PPFIBP2: variants seen among roughly 807,000 people sequenced by gnomAD.
The protein encoded by PPFIBP2 is liprin-beta-2.
Under a neutral mutation model 118.3 loss-of-function variants are expected in PPFIBP2, and 118 were observed. The observed-to-expected ratio is 1.00, with a 90% confidence interval of 0.86 to 1.16. PPFIBP2 has a LOEUF of 1.16. PPFIBP2 is among the 50% of genes most tolerant of loss of function. The pLI is 0.00. For missense variants in PPFIBP2, 1,195 were observed against 1,073.1 expected, an observed-to-expected ratio of 1.11 and a Z score of -1.59; for synonymous variants, 414 against 397.4, an observed-to-expected ratio of 1.04 and a Z score of -0.50.
intron 1 of PPFIBP2, among the ~76,000 whole-genome samples, chr11:7,531,726 A>G (rs1488949891): frequency 6.6e-6 from 1 of 152,186 alleles, no homozygotes; most frequent in African/African-American, 2.4e-5. Flanking sequence ...GGGCTTACAC[A>G]ACAGAAATTT....
intron 14 of PPFIBP2, among the ~76,000 whole-genome samples, chr11:7,637,200 A>G (rs1259419547): frequency 6.6e-6 from 1 of 152,160 alleles, no homozygotes; most frequent in Non-Finnish European, 1.5e-5. Context: ...TTAAGCTGCT[A>G]CTTAGTCTTC....
downstream of PPFIBP2, among the ~76,000 whole-genome samples, chr11:7,661,333 T>C (rs1474336526): frequency 1.3e-5 from 2 of 150,756 alleles, no homozygotes; most frequent in Non-Finnish European, 3.0e-5. Flanking sequence ...GTCCCAGAGA[T>C]TCTGGTATGT....
chr11:7,630,417 T>G (rs962806100), intron 10 of PPFIBP2, among the ~76,000 whole-genome samples: 3 of 152,218 alleles, frequency 2.0e-5, no homozygotes, highest in Non-Finnish European at 4.4e-5. Flanking sequence ...GTTTAAGCAA[T>G]TCTTGTGCCT....
chr11:7,543,300 T>C (rs1003238083), intron 1 of PPFIBP2, among the ~76,000 whole-genome samples: 8 of 152,242 alleles, frequency 5.3e-5, no homozygotes, highest in African/African-American at 1.7e-4. Flanking sequence ...CTGTAAATTA[T>C]TGGGAAAAGA....
At position 7,597,560 on chromosome 11, in the gene PPFIBP2, G is replaced by T; in HGVS notation, c.373G>T (p.Val125Leu). The T allele has an allele frequency of 6.2e-7, 1 of 1,613,248 alleles. No individual in the cohort carries two copies. The highest frequency in any genetic ancestry group is 2.2e-5 in the East Asian group (1 of 44,834). The change falls in exon 5 of 24, where the codon GTG becomes TTG. Residue 125 changes from valine (V) to leucine (L), a missense_variant and splice_region_variant. Transcript: ENST00000299492. ...EGDKESLILQ[V>L]SVLTDQVEAQ... is the part of the protein sequence containing the mutation. Reference sequence around the variant, plus strand: ...ACCATTGCTTTATTTCCTGGAACAGGTGAGTGTCCTCACAGACCAAGTAGA... The same window carrying T: ...ACCATTGCTTTATTTCCTGGAACAGTTGAGTGTCCTCACAGACCAAGTAGA...
chr11:7,594,790 G>A (rs1384155591), intron 4 of PPFIBP2, among the ~76,000 whole-genome samples: 1 of 151,968 alleles, frequency 6.6e-6, no homozygotes, highest in Non-Finnish European at 1.5e-5. Context: ...GGTGATGGGT[G>A]CCTGTAATCC....
chr11:7,549,484 T>A lies in PPFIBP2; in HGVS notation c.9T>A (p.Ser3=). The A allele has an allele frequency of 6.4e-7, 1 of 1,561,630 alleles. No homozygotes were observed. Among genetic ancestry groups the A allele is most frequent in the Non-Finnish European group, 8.7e-7 (1 of 1,152,560 alleles). ...GGCAGGCAAAAGGAGTCATGGCTTC[T>A]GATGCTAGTCATGCGCTGGAAGCTG... MA[S]DASHALEAAL... Residue 3 remains serine (S), a synonymous_variant, in exon 2 of 24, where the codon TCT becomes TCA. Coordinates refer to ENST00000299492, the MANE Select transcript of PPFIBP2 (RefSeq NM_003621.5).
chr11:7,629,419 A>G, intron 9 of PPFIBP2, 40 bp from the exon 10 acceptor site: 1 of 1,581,666 alleles, frequency 6.3e-7, no homozygotes, highest in Non-Finnish European at 8.7e-7. Context: ...CTGAGATGCC[A>G]GCATAGCATT....
intron 1 of PPFIBP2, among the ~76,000 whole-genome samples, chr11:7,521,889 A>G (rs1849787853): frequency 6.6e-6 from 1 of 152,208 alleles, no homozygotes; most frequent in African/African-American, 2.4e-5. Flanking sequence ...GAGTGGGCCC[A>G]TATGGCTAGA....
intron 1 of PPFIBP2, among the ~76,000 whole-genome samples, chr11:7,544,715 A>G (rs533663119): frequency 1.0e-4 from 15 of 147,928 alleles, no homozygotes; most frequent in Non-Finnish European, 2.2e-4. Context: ...CGGAGGTTGC[A>G]GTGAGCTGAG....
At position 7,592,983 on chromosome 11, in the gene PPFIBP2, C is replaced by A. The variant is rs929396910; in HGVS notation, c.280-149C>A. ...GTTCTCCTCATGGTAGTTTTGAAAT[C>A]TTGTGGTTTCCTGTTTTGATGATTG... On this transcript the variant is annotated intron_variant, in intron 3 of 23. Transcript: ENST00000299492. The A allele has an allele frequency of 2.4e-6, 3 of 1,245,184 alleles. No homozygotes were observed. The African/African-American group carries it at 4.6e-5, about 19-fold the overall frequency. The allele number at this position is 1,245,184 out of a possible 1,614,324, so 77.1% of individuals were successfully genotyped here.
intron 6 of PPFIBP2, among the ~76,000 whole-genome samples, chr11:7,619,095 T>C (rs1849038655): frequency 2.0e-5 from 3 of 152,236 alleles, no homozygotes; most frequent in Admixed American, 2.0e-4. Context: ...AGTATACACC[T>C]ACTATGTGCC....
intron 4 of PPFIBP2, 58 bp downstream of exon 4, chr11:7,593,282 C>G: frequency 6.3e-7 from 1 of 1,580,624 alleles, no homozygotes; most frequent in East Asian, 2.3e-5. Context: ...TGTAGCTTCC[C>G]CTAAGTGGAA....
At chr11:7,661,698 A>G (rs1198020140), downstream of PPFIBP2, among the ~76,000 whole-genome samples, 1 of 58,736 alleles carries the variant, frequency 1.7e-5, no homozygotes, top group African/African-American at 7.4e-5. Context: ...ATTCCTGCGT[A>G]TCCTTTGTTG....
intron 1 of PPFIBP2, among the ~76,000 whole-genome samples, chr11:7,515,277 C>T (rs1171123788): frequency 1.3e-5 from 2 of 152,156 alleles, no homozygotes; most frequent in Admixed American, 1.3e-4. Context: ...TTTTATTTAA[C>T]ATATTTCAAT....
At chr11:7,559,215 TG>T (rs1386614091) in intron 2 of PPFIBP2, among the ~76,000 whole-genome samples, 1 of 152,226 alleles carries the variant, frequency 6.6e-6, no homozygotes, top group Non-Finnish European at 1.5e-5. Flanking sequence ...CTGAGAAATC[TG>T]GGGGGCAAAT....
chr11:7,515,632 G>C (rs1186855553), intron 1 of PPFIBP2, among the ~76,000 whole-genome samples: 4 of 152,214 alleles, frequency 2.6e-5, no homozygotes, highest in African/African-American at 9.6e-5. Flanking sequence ...CTCACCATGA[G>C]AAGTGGCCAG....
intron 3 of PPFIBP2, among the ~76,000 whole-genome samples, chr11:7,581,800 T>C (rs914270224): frequency 6.6e-6 from 1 of 152,156 alleles, no homozygotes; most frequent in Non-Finnish European, 1.5e-5. Flanking sequence ...TCCTTGATTA[T>C]ATATATGGAT....
chr11:7,641,490 A>G lies in PPFIBP2; in HGVS notation c.1387A>G (p.Ser463Gly), dbSNP rs1852185801. 1 of 1,614,002 alleles carries G rather than the reference A, an allele frequency of 6.2e-7. No homozygotes were observed. Among genetic ancestry groups the G allele is most frequent in the East Asian group, 2.2e-5 (1 of 44,866 alleles). Reference protein sequence around the residue: ...SSLLRLRDTESGWDDTAVVND... With the variant: ...SSLLRLRDTEGGWDDTAVVND... ...TCTTCCAATCTCAGGAGACACAGAA[A>G]GTGGCTGGGACGACACTGCTGTGGT... Residue 463 changes from serine (S) to glycine (G), a missense_variant, in exon 16 of 24, where the codon AGT becomes GGT. Physicochemically the swap from Ser to Gly is moderately conservative, Grantham distance 56 (BLOSUM62 0). Transcript: ENST00000299492.
Sources: gnomAD v4.1 joint callset for allele counts (sites outside exome capture counted in the v4.1 genomes callset) on GRCh38, gnomAD v4.1.1 for gene constraint, MANE v1.5 for transcripts, NCBI Gene and HGNC (gene_info 2026-07-23, HGNC 2026-07-21) for gene names.